The following NRXN3 variants were observed in gnomAD, a reference collection of about 807,000 sequenced individuals.
The protein encoded by NRXN3 is neurexin III.
A neutral mutation model predicts 137.6 loss-of-function variants in NRXN3; 32 were observed. That is an observed-to-expected ratio of 0.23 (90% CI 0.18 to 0.31). The LOEUF is 0.31. Among genes scored for constraint, NRXN3 ranks in the 10% least tolerant of loss-of-function variants. NRXN3 has a pLI of 1.00. For synonymous variants in NRXN3, 798 were observed against 784.5 expected, an observed-to-expected ratio of 1.02 and a Z score of -0.29; for missense variants, 1,574 against 2,062.5, an observed-to-expected ratio of 0.76 and a Z score of 4.59.
chr14:78,705,634 C>T (rs1328628806), intron 6 of NRXN3, among the ~76,000 whole-genome samples: 1 of 152,180 alleles, frequency 6.6e-6, no homozygotes, highest in Non-Finnish European at 1.5e-5. Flanking sequence ...CCTACTATGT[C>T]TAACATCCCA....
chr14:78,733,471 G>A (rs945352540), intron 8 of NRXN3, among the ~76,000 whole-genome samples: 4 of 152,094 alleles, frequency 2.6e-5, no homozygotes, highest in Admixed American at 1.3e-4. Flanking sequence ...GAAGAAATGC[G>A]ACCATCCAAG....
At chr14:79,477,295 A>G (rs767767065) in intron 16 of NRXN3, among the ~76,000 whole-genome samples, 1 of 152,132 alleles carries the variant, frequency 6.6e-6, no homozygotes, top group African/African-American at 2.4e-5. Flanking sequence ...AGAGGCAGGT[A>G]ATATGGATTA....
At chr14:78,714,672 C>G in intron 7 of NRXN3, 84 bp from the exon 8 acceptor site, 1 of 1,475,830 alleles carries the variant, frequency 6.8e-7, no homozygotes. Flanking sequence ...CAGCCAATGG[C>G]TGGGCTCAGC....
intron 15 of NRXN3, among the ~76,000 whole-genome samples, chr14:79,361,090 G>C (rs1002993890): frequency 6.6e-5 from 10 of 152,248 alleles, no homozygotes; most frequent in Non-Finnish European, 1.3e-4. Flanking sequence ...AGGGTAATTC[G>C]AGTACAGAGA....
chr14:78,805,108 C>A (rs559376300), intron 9 of NRXN3, among the ~76,000 whole-genome samples: 55 of 152,042 alleles, frequency 3.6e-4, no homozygotes, highest in Non-Finnish European at 7.5e-4. Context: ...ACATCATAAA[C>A]CTAAAATCTC....
At chr14:78,284,309 C>G (rs924964702) in intron 3 of NRXN3, among the ~76,000 whole-genome samples, 1 of 151,696 alleles carries the variant, frequency 6.6e-6, no homozygotes, top group Non-Finnish European at 1.5e-5. Flanking sequence ...TGGAAGCCCC[C>G]TCCTCTCTTC....
chr14:78,960,971 A>G (rs2099406974), intron 11 of NRXN3, among the ~76,000 whole-genome samples: 1 of 151,926 alleles, frequency 6.6e-6, no homozygotes, highest in African/African-American at 2.4e-5. Flanking sequence ...TAATAAGCTA[A>G]TGTACATTGC....
chr14:79,322,662 T>C (rs1302189817), intron 15 of NRXN3, among the ~76,000 whole-genome samples: 1 of 152,200 alleles, frequency 6.6e-6, no homozygotes, highest in Non-Finnish European at 1.5e-5. Context: ...TACATTAAAA[T>C]AAACATATTA....
intron 15 of NRXN3, among the ~76,000 whole-genome samples, chr14:79,426,242 C>T (rs751004291): frequency 3.3e-4 from 51 of 152,250 alleles, no homozygotes; most frequent in East Asian, 1.9e-4. Flanking sequence ...CCAGCTGCAG[C>T]GCTACCATCA....
intron 15 of NRXN3, among the ~76,000 whole-genome samples, chr14:79,306,165 C>T (rs1050278633): frequency 6.6e-6 from 1 of 152,032 alleles, no homozygotes; most frequent in African/African-American, 2.4e-5. Flanking sequence ...CAGCTTAAAT[C>T]CTTTCCAGAG....
intron 2 of NRXN3, among the ~76,000 whole-genome samples, chr14:78,271,476 TAA>T (rs11385086): frequency 1.9e-5 from 2 of 104,288 alleles, no homozygotes. Flanking sequence ...CTAAAGCATT[TAA>T]AAAAAAAAAA....
intron 4 of NRXN3, among the ~76,000 whole-genome samples, chr14:78,623,852 G>A (rs376012768): frequency 4.6e-5 from 7 of 152,230 alleles, no homozygotes; most frequent in South Asian, 2.1e-4. Context: ...ACAGTCATGC[G>A]TGAGCCATGG....
chr14:79,749,780 T>A (rs985288348), intron 19 of NRXN3, among the ~76,000 whole-genome samples: 1 of 40,526 alleles, frequency 2.5e-5, no homozygotes, highest in African/African-American at 1.1e-4. Flanking sequence ...GCACCAAACA[T>A]TTTTTTTTAT....
At chr14:78,451,007 C>T (rs2094538749) in intron 4 of NRXN3, among the ~76,000 whole-genome samples, 1 of 151,202 alleles carries the variant, frequency 6.6e-6, no homozygotes, top group Admixed American at 6.6e-5. Context: ...TGGAGCTTTG[C>T]ATCAGAATAA....
intron 16 of NRXN3, among the ~76,000 whole-genome samples, chr14:79,628,714 C>T (rs1219098126): frequency 6.6e-6 from 1 of 152,094 alleles, no homozygotes; most frequent in East Asian, 1.9e-4. Context: ...GGTTGAAAGT[C>T]GAATATTAAC....
chr14:78,958,622 T>C (rs1384119439), intron 11 of NRXN3, among the ~76,000 whole-genome samples: 1 of 152,234 alleles, frequency 6.6e-6, no homozygotes, highest in Admixed American at 6.5e-5. Context: ...CCCAAAGTGC[T>C]GGGATTACAG....
intron 4 of NRXN3, among the ~76,000 whole-genome samples, chr14:78,536,069 G>A (rs1166787456): frequency 6.6e-6 from 1 of 152,120 alleles, no homozygotes; most frequent in African/African-American, 2.4e-5. Context: ...CATGACAGTT[G>A]TGGTCAGAAC....
chr14:78,972,459 A>T (rs1033994253), intron 14 of NRXN3, among the ~76,000 whole-genome samples: 1 of 152,186 alleles, frequency 6.6e-6, no homozygotes, highest in Non-Finnish European at 1.5e-5. Flanking sequence ...GGTGCACTCG[A>T]GTGACTCTTT....
chr14:78,634,021 T>A (rs1364292379), intron 4 of NRXN3, among the ~76,000 whole-genome samples: 2 of 152,134 alleles, frequency 1.3e-5, no homozygotes, highest in Non-Finnish European at 2.9e-5. Context: ...GGGATTTTCT[T>A]AAAGAACTAG....
Sources: allele counts gnomAD v4.1 joint callset (sites outside exome capture counted in the v4.1 genomes callset), GRCh38; gene constraint gnomAD v4.1.1; transcripts MANE v1.5; gene names NCBI Gene and HGNC (gene_info 2026-07-23, HGNC 2026-07-21).